Variants in GPBP1 observed in about 807,000 individuals in gnomAD.
GPBP1 encodes the protein vasculin.
Under a neutral mutation model 56.5 loss-of-function variants are expected in GPBP1, and 13 were observed. The observed-to-expected ratio is 0.23, with a 90% confidence interval of 0.15 to 0.37. The LOEUF (loss-of-function observed/expected upper bound fraction) is 0.37. GPBP1 is among the 10% of genes least tolerant of loss of function. The pLI, the probability that GPBP1 is intolerant of heterozygous loss-of-function variation, is 1.00. For missense variants in GPBP1, 477 were observed against 572.3 expected, an observed-to-expected ratio of 0.83 and a Z score of 1.70; for synonymous variants, 204 against 188.9, an observed-to-expected ratio of 1.08 and a Z score of -0.66.
intron 5 of GPBP1, among the ~76,000 whole-genome samples, chr5:57,232,362 C>T (rs907210585): frequency 1.3e-5 from 2 of 152,176 alleles, no homozygotes; most frequent in Non-Finnish European, 2.9e-5. Flanking sequence ...TTTATTCAAA[C>T]ACTTATGCTA....
At chr5:57,227,632 T>C (rs1424257224) in intron 3 of GPBP1, among the ~76,000 whole-genome samples, 1 of 152,232 alleles carries the variant, frequency 6.6e-6, no homozygotes, top group African/African-American at 2.4e-5. Context: ...TTTGCCAAAC[T>C]CAGTGCAAGG....
intron 3 of GPBP1, among the ~76,000 whole-genome samples, chr5:57,226,929 C>T (rs1373953436): frequency 2.0e-5 from 3 of 151,828 alleles, no homozygotes; most frequent in African/African-American, 4.8e-5. Context: ...TTAGTAGAGA[C>T]GGGGTTTCAC....
intron 2 of GPBP1, among the ~76,000 whole-genome samples, chr5:57,185,092 T>C (rs2111597909): frequency 6.6e-6 from 1 of 152,304 alleles, no homozygotes; most frequent in East Asian, 1.9e-4. Flanking sequence ...TAGGAACACT[T>C]GTGCATAGGA....
intron 2 of GPBP1, among the ~76,000 whole-genome samples, chr5:57,194,062 C>CT (rs1754645120): frequency 6.6e-6 from 1 of 152,090 alleles, no homozygotes; most frequent in Admixed American, 6.5e-5. Context: ...GCTCTACAGT[C>CT]TTTTTTTACT....
chr5:57,175,290 T>C (rs1464683130), intron 1 of GPBP1, among the ~76,000 whole-genome samples, 158 bp from the exon 2 acceptor site: 1 of 152,202 alleles, frequency 6.6e-6, no homozygotes, highest in Admixed American at 6.5e-5. Context: ...AGTAGACTTT[T>C]ATCGGGTGCT....
chr5:57,251,469 A>G (rs1019357383), intron 10 of GPBP1, among the ~76,000 whole-genome samples: 1 of 152,042 alleles, frequency 6.6e-6, no homozygotes, highest in African/African-American at 2.4e-5. Context: ...TTTTATTTGC[A>G]TTGTAAGCAC....
intron 2 of GPBP1, among the ~76,000 whole-genome samples, chr5:57,183,414 T>G (rs913267994): frequency 6.6e-6 from 1 of 152,050 alleles, no homozygotes; most frequent in African/African-American, 2.4e-5. Context: ...GTACAACTCT[T>G]AAGTTATCCT....
At position 57,260,423 on chromosome 5, in the gene GPBP1, G is replaced by T. The variant is rs913200800; in HGVS notation, c.1161-757G>T. ...GTGATTTCATTATTCTTCCACCCAAGTTTCACCATAAATTTGGTATTTGTT... is the reference window on the plus strand; with the variant it reads ...GTGATTTCATTATTCTTCCACCCAATTTTCACCATAAATTTGGTATTTGTT... On this transcript the variant is annotated intron_variant, in intron 10 of 11. Transcript: ENST00000506184. Among the ~76,000 whole-genome samples the T allele has an allele frequency of 3.9e-5, 6 of 152,104 alleles. No individual in the cohort carries two copies. The South Asian group carries it at 1.2e-3, about 31-fold the overall frequency.
intron 3 of GPBP1, among the ~76,000 whole-genome samples, chr5:57,218,714 C>CG (rs1755802625): frequency 6.6e-6 from 1 of 152,312 alleles, no homozygotes; most frequent in Non-Finnish European, 1.5e-5. Context: ...ATCCGCCTGC[C>CG]TCTACCTCCC....
At chr5:57,238,030 A>G (rs1174309113) in intron 6 of GPBP1, among the ~76,000 whole-genome samples, 1 of 152,108 alleles carries the variant, frequency 6.6e-6, no homozygotes, top group Non-Finnish European at 1.5e-5. Context: ...ACCCTCATGC[A>G]GCTTATATCT....
At chr5:57,264,674 GTGGTA>G (rs1742040350), downstream of GPBP1, 1 of 152,162 alleles carries the variant, frequency 6.6e-6, no homozygotes, top group South Asian at 2.1e-4. Flanking sequence ...GTAAAGTACA[GTGGTA>G]TGGTTATTCT....
At chr5:57,258,589 C>T (rs1249600868) in intron 10 of GPBP1, among the ~76,000 whole-genome samples, 2 of 152,118 alleles carry the variant, frequency 1.3e-5, no homozygotes, top group Non-Finnish European at 1.5e-5. Flanking sequence ...AATATAGTTA[C>T]GTGGCACATG....
rs11417693 is a variant in GPBP1, at chr5:57,181,434, C to CAA, written c.-58+5047_-58+5048dup. Among the ~76,000 whole-genome samples, 832 of 131,904 alleles carry CAA rather than the reference C, an allele frequency of 6.3e-3. 4 individuals are homozygous for CAA. The highest frequency in any genetic ancestry group is 0.01 in the Non-Finnish European group (645 of 61,934). The allele number at this position is 131,904 out of a possible 152,430, so 86.5% of individuals were successfully genotyped here. On this transcript the variant is annotated intron_variant, in intron 2 of 11. Transcript: ENST00000506184. ...CCAGCTTGGGGTGACAAGACTGTGT[C>CAA]AAAAAAAAAAAAAAGAACCTCTGAC...
In GPBP1 at chr5:57,230,981, T is replaced by C. The variant is rs762398353; in HGVS notation, c.187+12T>C. 1 of 1,585,156 alleles carries C rather than the reference T, an allele frequency of 6.3e-7. No homozygotes were observed. The highest frequency in any genetic ancestry group is 8.5e-7 in the Non-Finnish European group (1 of 1,169,698). ...GCGTCCTAATGGAGGTAAAATTTGC[T>C]AAGGAATGATGTTTATGGCTAATTT... is the stretch of plus-strand genomic sequence containing the variant. On this transcript the variant is annotated intron_variant, in intron 4 of 11. Transcript: ENST00000506184.
chr5:57,178,284 C>A (rs867744025), intron 2 of GPBP1, among the ~76,000 whole-genome samples: 2 of 152,080 alleles, frequency 1.3e-5, no homozygotes, highest in Admixed American at 6.6e-5. Context: ...TGCTCTGTCG[C>A]GTGCCCAGGC....
rs1004474818 is a variant in GPBP1 at position 57,256,231 on chromosome 5, G to A, written c.1161-4949G>A. Reference sequence around the variant, plus strand: ...GATCGCACCACTGAACTCTAGCCTGGACGGCAGAGCAAGACTCCATTCTCA... The same window carrying A: ...GATCGCACCACTGAACTCTAGCCTGAACGGCAGAGCAAGACTCCATTCTCA... On this transcript the variant is annotated intron_variant, in intron 10 of 11. Coordinates refer to ENST00000506184, the MANE Select transcript of GPBP1 (RefSeq NM_022913.4). 1.2e-4 allele frequency among the ~76,000 whole-genome samples: 19 copies of A among 152,082 alleles called. 1 individual carries two copies. The highest frequency in any genetic ancestry group is 5.2e-4 in the Admixed American group (8 of 15,262).
At chr5:57,181,546 C>T (rs1273778972) in intron 2 of GPBP1, among the ~76,000 whole-genome samples, 1 of 149,084 alleles carries the variant, frequency 6.7e-6, no homozygotes, top group Non-Finnish European at 1.5e-5. Flanking sequence ...GCCTGAGGCA[C>T]GAGGCTCACT....
intron 10 of GPBP1, among the ~76,000 whole-genome samples, chr5:57,258,456 AATC>A (rs1228504811): frequency 6.6e-6 from 1 of 152,216 alleles, no homozygotes; most frequent in Admixed American, 6.5e-5. Context: ...TAGTATTTGT[AATC>A]ATAATACAGT....
At chr5:57,255,641 A>C (rs1442724576) in intron 10 of GPBP1, among the ~76,000 whole-genome samples, 4 of 152,266 alleles carry the variant, frequency 2.6e-5, no homozygotes, top group African/African-American at 9.6e-5. Context: ...GAATCTATTC[A>C]TTAAGGCCAT....
Sources: gnomAD v4.1 joint callset for allele counts (sites outside exome capture counted in the v4.1 genomes callset) on GRCh38, gnomAD v4.1.1 for gene constraint, MANE v1.5 for transcripts, NCBI Gene and HGNC (gene_info 2026-07-23, HGNC 2026-07-21) for gene names.